Variants in SNX13 observed in about 807,000 individuals in gnomAD.
SNX13 encodes sorting nexin 13, also known as sorting nexin-13.
Under a neutral mutation model 133.6 loss-of-function variants are expected in SNX13, and 45 were observed. The observed-to-expected ratio is 0.34, with a 90% confidence interval of 0.27 to 0.43. The LOEUF (loss-of-function observed/expected upper bound fraction) is 0.43. Ranked by LOEUF, SNX13 falls within the 20% of genes least tolerant of loss-of-function variation. The pLI, the probability that SNX13 is intolerant of heterozygous loss-of-function variation, is 1.00. For missense variants in SNX13, 1,032 were observed against 1,145.1 expected, an observed-to-expected ratio of 0.90 and a Z score of 1.43; for synonymous variants, 414 against 373.9, an observed-to-expected ratio of 1.11 and a Z score of -1.24.
chr7:17,849,899 C>T (rs117458595), intron 11 of SNX13, among the ~76,000 whole-genome samples: 2 of 152,148 alleles, frequency 1.3e-5, no homozygotes, highest in African/African-American at 4.8e-5. Context: ...CGCTACTTTG[C>T]TTTATTACTG....
At position 17,847,583 on chromosome 7, in the gene SNX13, C is replaced by A. The variant is rs1790695321; in HGVS notation, c.1066-1889G>T. On this transcript the variant is annotated intron_variant, in intron 11 of 25. Coordinates refer to ENST00000428135, the MANE Select transcript of SNX13 (RefSeq NM_015132.5). Reference sequence around the variant, plus strand: ...TCACAAATAAATTTTCAAAACAAAACCACAGCAAAAATGTGACCTCATTAA... The same window carrying A: ...TCACAAATAAATTTTCAAAACAAAAACACAGCAAAAATGTGACCTCATTAA... Among the ~76,000 whole-genome samples, 3 of 152,136 alleles carry A rather than the reference C, an allele frequency of 2.0e-5. No individual in the cohort carries two copies. The South Asian group carries it at 6.2e-4, about 31-fold the overall frequency.
rs535120109 is a variant in SNX13 at position 17,877,175 on chromosome 7, C to T, written c.441-1385G>A. Among the ~76,000 whole-genome samples the T allele has an allele frequency of 3.3e-5, 5 of 151,234 alleles. No individual in the cohort carries two copies. The South Asian group carries it at 1.0e-3, about 32-fold the overall frequency. ...GTATACATGAAACTAAAGAGAAAGC[C>T]GTAAGTATATGAACACGAAAACAAA... On this transcript the variant is annotated intron_variant, in intron 5 of 25. Coordinates refer to ENST00000428135, the MANE Select transcript of SNX13 (RefSeq NM_015132.5).
chr7:17,814,915 T>G lies in SNX13; in HGVS notation c.1983A>C (p.Ala661=), dbSNP rs372932522. 4.0e-6 allele frequency: 6 copies of G among 1,501,102 alleles called. No individual in the cohort carries two copies. In the African/African-American group the frequency reaches 9.1e-5, roughly 23 times the overall value. 93.0% of individuals were successfully genotyped at this position (1,501,102 alleles called of 1,614,324 possible). ...QLLLAPEMMK[A]SPALAHYVYD... is the part of the protein sequence containing the mutation. ...ACACATAGTGAGCTAAAGCGGGGGA[T>G]GCCTTCATCATTTCAGGAGCTAACA... Residue 661 remains alanine, a synonymous_variant, in exon 20 of 26, where the codon GCA becomes GCC. Transcript: ENST00000428135.
intron 11 of SNX13, among the ~76,000 whole-genome samples, chr7:17,849,718 T>C (rs1790981214): frequency 6.6e-6 from 1 of 152,208 alleles, no homozygotes; most frequent in Non-Finnish European, 1.5e-5. Context: ...AGGACATTCT[T>C]ACTTTAGTGC....
chr7:17,940,127 A>G lies in SNX13; in HGVS notation c.12+157T>C, dbSNP rs571721284. On this transcript the variant is annotated intron_variant, in intron 1 of 25. Transcript: ENST00000428135. Reference sequence around the variant, plus strand: ...ACTCTGTTGAGTCAGCACAGCTCCTACTCTGAGGGCACTTGTAGGATCCCC... The same window carrying G: ...ACTCTGTTGAGTCAGCACAGCTCCTGCTCTGAGGGCACTTGTAGGATCCCC... Among the ~76,000 whole-genome samples, 5 of 151,998 alleles carry G rather than the reference A, an allele frequency of 3.3e-5. No homozygotes were observed. The East Asian group carries it at 9.7e-4, about 29-fold the overall frequency.
rs188086104 is a variant in SNX13 at position 17,812,337 on chromosome 7, C to T, written c.2064+2497G>A. Among the ~76,000 whole-genome samples the T allele has an allele frequency of 1.2e-4, 19 of 152,032 alleles. No homozygotes were observed. In the East Asian group the frequency reaches 2.9e-3, roughly 23 times the overall value. On this transcript the variant is annotated intron_variant, in intron 20 of 25. Coordinates refer to ENST00000428135, the MANE Select transcript of SNX13 (RefSeq NM_015132.5). ...ACAACCCCATCAGAAAGTGGGCGAA[C>T]GATACGAACAGACACTTCTCAAAAG...
At chr7:17,824,773 A>G (rs1787684561) in intron 17 of SNX13, among the ~76,000 whole-genome samples, 1 of 119,322 alleles carries the variant, frequency 8.4e-6, no homozygotes, top group Admixed American at 8.8e-5. Flanking sequence ...GGAAGAAATA[A>G]CTTTTTTTTT....
intron 5 of SNX13, among the ~76,000 whole-genome samples, chr7:17,878,229 A>C (rs1794941403): frequency 6.6e-6 from 1 of 152,130 alleles, no homozygotes; most frequent in African/African-American, 2.4e-5. Flanking sequence ...CCCCCATAGA[A>C]TTCTTAGTAA....
intron 16 of SNX13, among the ~76,000 whole-genome samples, chr7:17,827,130 G>A (rs1225054770): frequency 1.3e-5 from 2 of 151,920 alleles, no homozygotes; most frequent in Non-Finnish European, 2.9e-5. Context: ...AATTTTCCTG[G>A]TGGCAACATT....
At position 17,794,051 on chromosome 7, in the gene SNX13, T is replaced by G; in HGVS notation, c.2868A>C (p.Lys956Asn). The change falls in exon 26 of 26, where the codon AAA (lysine) becomes AAC (asparagine). Residue 956 changes from lysine to asparagine, a missense_variant. By Grantham distance (94) the Lys-to-Asn change is moderately conservative. Transcript: ENST00000428135. ...LQTTQAPSLQKR is the reference protein window; with the variant it reads ...LQTTQAPSLQNR ...AGCTTCATAGAGTGGAGTGTCACCT[T>G]TTCTGCAAAGAAGGCGCTTGAGTAG... 1 of 1,610,898 alleles carries G rather than the reference T, an allele frequency of 6.2e-7. No individual in the cohort carries two copies. Among genetic ancestry groups the G allele is most frequent in the East Asian group, 2.2e-5 (1 of 44,812 alleles).
At chr7:17,859,697 C>G (rs1002248400) in intron 9 of SNX13, among the ~76,000 whole-genome samples, 3 of 152,096 alleles carry the variant, frequency 2.0e-5, no homozygotes, top group African/African-American at 7.2e-5. Flanking sequence ...CCTCCCAGAT[C>G]CCAGCAACCA....
At chr7:17,890,579 T>C (rs1796518551) in intron 4 of SNX13, 95 bp from the exon 5 acceptor site, 9 of 827,972 alleles carry the variant, frequency 1.1e-5, no homozygotes, top group Non-Finnish European at 1.6e-5. Context: ...TACCAATTTA[T>C]ATTTACTCTC....
At chr7:17,898,935 CTAA>C (rs1002576898) in intron 1 of SNX13, 1 of 152,200 alleles carries the variant, frequency 6.6e-6, no homozygotes, top group African/African-American at 2.4e-5. Context: ...AGAATGCCTG[CTAA>C]CGAAGTTTCT....
At chr7:17,843,470 G>A (rs1272518043) in intron 12 of SNX13, among the ~76,000 whole-genome samples, 1 of 151,986 alleles carries the variant, frequency 6.6e-6, no homozygotes, top group Non-Finnish European at 1.5e-5. Flanking sequence ...AAGAGACAGT[G>A]CCACAATAAT....
At chr7:17,881,505 A>G (rs1007323675) in intron 5 of SNX13, 1 of 152,218 alleles carries the variant, frequency 6.6e-6, no homozygotes, top group African/African-American at 2.4e-5. Flanking sequence ...AATCATTAAA[A>G]TAGAATTCCT....
At chr7:17,807,602 C>A (rs532480323) in intron 20 of SNX13, among the ~76,000 whole-genome samples, 3 of 152,348 alleles carry the variant, frequency 2.0e-5, no homozygotes, top group African/African-American at 7.2e-5. Context: ...CCCAGCACAG[C>A]GATCGAGCTC....
At chr7:17,840,972 C>A (rs1166784731) in intron 12 of SNX13, among the ~76,000 whole-genome samples, 1 of 152,036 alleles carries the variant, frequency 6.6e-6, no homozygotes, top group Non-Finnish European at 1.5e-5. Flanking sequence ...CTTAGCACAA[C>A]TGCAGCTACC....
At chr7:17,887,976 C>T (rs2127989325) in intron 5 of SNX13, among the ~76,000 whole-genome samples, 1 of 151,970 alleles carries the variant, frequency 6.6e-6, no homozygotes, top group East Asian at 1.9e-4. Context: ...TCACAGTATA[C>T]AGCAGACAGC....
intron 1 of SNX13, among the ~76,000 whole-genome samples, chr7:17,933,309 C>T (rs973834684): frequency 3.9e-5 from 6 of 152,028 alleles, no homozygotes; most frequent in African/African-American, 1.2e-4. Flanking sequence ...TTTGGGAGGC[C>T]GAGGCGGGCG....
Sources: allele counts gnomAD v4.1 joint callset (sites outside exome capture counted in the v4.1 genomes callset), GRCh38; gene constraint gnomAD v4.1.1; transcripts MANE v1.5; gene names NCBI Gene and HGNC (gene_info 2026-07-23, HGNC 2026-07-21).